Variants in SRBD1 observed in about 807,000 individuals in gnomAD.
SRBD1 encodes the protein S1 RNA-binding domain-containing protein 1.
Under a neutral mutation model 115.3 loss-of-function variants are expected in SRBD1, and 88 were observed. The ratio of observed to expected loss-of-function variants is 0.76; its 90% confidence interval spans 0.64 to 0.91. SRBD1 has a LOEUF of 0.91. Ranked by LOEUF, SRBD1 falls within the 40% of genes least tolerant of loss-of-function variation. The probability of loss-of-function intolerance (pLI) is 0.00; values close to 1 mark genes in which losing one functional copy is unlikely to be tolerated. For synonymous variants in SRBD1, 509 were observed against 407.7 expected (o/e 1.25, Z -2.99); for missense variants, 1,385 against 1,177.4 (o/e 1.18, Z -2.58).
chr2:45,591,996 CA>C (rs1558500131), intron 4 of SRBD1, among the ~76,000 whole-genome samples: 1 of 152,068 alleles, frequency 6.6e-6, no homozygotes, highest in Non-Finnish European at 1.5e-5. Context: ...AGGAGGGACC[CA>C]GGGGGAGGTA....
At chr2:45,557,131 G>C (rs190493516) in intron 10 of SRBD1, among the ~76,000 whole-genome samples, 1 of 152,136 alleles carries the variant, frequency 6.6e-6, no homozygotes, top group Non-Finnish European at 1.5e-5. Context: ...TAAGGTTAGC[G>C]CTTCTAGGAA....
chr2:45,573,608 G>A (rs1468626009), intron 8 of SRBD1, among the ~76,000 whole-genome samples: 5 of 152,086 alleles, frequency 3.3e-5, no homozygotes, highest in African/African-American at 1.2e-4. Flanking sequence ...CTGCAATTAT[G>A]CAAAAGATCA....
chr2:45,506,811 T>C (rs147508465), intron 14 of SRBD1, among the ~76,000 whole-genome samples: 107 of 152,334 alleles, frequency 7.0e-4, no homozygotes, highest in African/African-American at 2.4e-3. Flanking sequence ...GTAAATTAAA[T>C]AGTGCATATT....
chr2:45,602,221 G>C, intron 2 of SRBD1, 138 bp from the exon 3 acceptor site: 2 of 980,098 alleles, frequency 2.0e-6, no homozygotes, highest in Non-Finnish European at 2.9e-6. Context: ...TACAGGCTGT[G>C]AACAGTTATT....
At chr2:45,440,802 AAG>A (rs1209272850) in intron 16 of SRBD1, among the ~76,000 whole-genome samples, 1 of 152,186 alleles carries the variant, frequency 6.6e-6, no homozygotes, top group Non-Finnish European at 1.5e-5. Flanking sequence ...GAGAGACAGA[AAG>A]AGAGAGACAG....
chr2:45,514,543 T>C (rs893073831), intron 14 of SRBD1, among the ~76,000 whole-genome samples: 5 of 152,168 alleles, frequency 3.3e-5, no homozygotes, highest in Non-Finnish European at 5.9e-5. Context: ...TTAGCTAACA[T>C]TTAAACTAAA....
rs1358287465 is a variant in SRBD1 at position 45,565,253 on chromosome 2, A to T, written c.1306-2497T>A. The stretch of plus-strand genomic sequence containing the variant: ...CAAAACTGACTACAAAGCCACAGTT[A>T]TCAAGACAGTGGGGACTGGCATAAG... On this transcript the variant is annotated intron_variant, in intron 9 of 20. Coordinates refer to ENST00000263736, the MANE Select transcript of SRBD1 (RefSeq NM_018079.5). Among the ~76,000 whole-genome samples the T allele has an allele frequency of 4.6e-5, 7 of 152,236 alleles. No individual in the cohort carries two copies. The East Asian group carries it at 1.3e-3, about 29-fold the overall frequency.
chr2:45,586,348 G>A (rs1292643625), intron 4 of SRBD1, among the ~76,000 whole-genome samples: 12 of 152,074 alleles, frequency 7.9e-5, no homozygotes, highest in Non-Finnish European at 1.8e-4. Context: ...TGGAAAATAT[G>A]TTATGCCCAT....
intron 14 of SRBD1, among the ~76,000 whole-genome samples, chr2:45,517,196 G>A (rs148780854): frequency 6.6e-6 from 1 of 152,182 alleles, no homozygotes; most frequent in Non-Finnish European, 1.5e-5. Flanking sequence ...CAGTTCAAAC[G>A]TTATCAGGCC....
intron 14 of SRBD1, among the ~76,000 whole-genome samples, chr2:45,544,801 AAC>A (rs1346298941): frequency 1.3e-5 from 2 of 152,328 alleles, no homozygotes; most frequent in South Asian, 4.1e-4. Context: ...AACAAATACA[AAC>A]ACACTCATAA....
chr2:45,590,906 A>ACT (rs1673701156), intron 4 of SRBD1, among the ~76,000 whole-genome samples: 1 of 152,000 alleles, frequency 6.6e-6, no homozygotes, highest in African/African-American at 2.4e-5. Flanking sequence ...AATCCCAGCT[A>ACT]CTCAGGAGAC....
At chr2:45,494,670 G>C (rs1207307918) in intron 14 of SRBD1, among the ~76,000 whole-genome samples, 2 of 152,094 alleles carry the variant, frequency 1.3e-5, no homozygotes, top group African/African-American at 2.4e-5. Context: ...GGCCTCCCAA[G>C]TTATCCTTCA....
intron 15 of SRBD1, among the ~76,000 whole-genome samples, chr2:45,483,153 T>C (rs370682181): frequency 6.6e-6 from 1 of 152,120 alleles, no homozygotes; most frequent in Admixed American, 6.6e-5. Context: ...GAGAGTTGCA[T>C]TGTGGTAGTC....
intron 14 of SRBD1, among the ~76,000 whole-genome samples, chr2:45,494,314 A>G (rs952746784): frequency 6.6e-6 from 1 of 152,172 alleles, no homozygotes; most frequent in Non-Finnish European, 1.5e-5. Flanking sequence ...ATGTAATCAG[A>G]AAAGGTTTAA....
In SRBD1 at chr2:45,551,153, A is replaced by C. The variant is rs1297921476; in HGVS notation, c.1647T>G (p.Gly549=). Reference sequence around the variant, plus strand: ...TAGGAGAAATTATAGCTAATTTGCAACCATGTTTATAACCAGGATCCACTC... The same window carrying C: ...TAGGAGAAATTATAGCTAATTTGCACCCATGTTTATAACCAGGATCCACTC... ...LMGVDPGYKH[G]CKLAIISPTS... Residue 549 remains glycine, a synonymous_variant, in exon 12 of 21, where the codon GGT becomes GGG. Transcript: ENST00000263736. 6.3e-7 allele frequency: 1 copy of C among 1,597,488 alleles called. No individual in the cohort carries two copies. Among genetic ancestry groups the C allele is most frequent in the East Asian group, 2.2e-5 (1 of 44,760 alleles).
intron 7 of SRBD1, 44 bp downstream of exon 7, chr2:45,579,831 A>C: frequency 6.8e-7 from 1 of 1,474,078 alleles, no homozygotes. Flanking sequence ...AATTAAAAAA[A>C]AAAAAAAAGA....
intron 16 of SRBD1, among the ~76,000 whole-genome samples, chr2:45,465,879 G>A (rs1558413935): frequency 6.6e-6 from 1 of 152,086 alleles, no homozygotes; most frequent in Non-Finnish European, 1.5e-5. Context: ...CACATTTTCA[G>A]TTCTGATCCC....
chr2:45,562,258 T>TG (rs1237521996), intron 10 of SRBD1, among the ~76,000 whole-genome samples: 1 of 152,262 alleles, frequency 6.6e-6, no homozygotes, highest in African/African-American at 2.4e-5. Flanking sequence ...GATGGAGTCT[T>TG]GCTCTGTCGC....
chr2:45,395,901 A>T (rs1229666280), intron 19 of SRBD1, among the ~76,000 whole-genome samples: 1 of 152,242 alleles, frequency 6.6e-6, no homozygotes, highest in Non-Finnish European at 1.5e-5. Context: ...TAAGTGTGAT[A>T]AGTAATATCC....
Sources: gnomAD v4.1 joint callset for allele counts (sites outside exome capture counted in the v4.1 genomes callset) on GRCh38, gnomAD v4.1.1 for gene constraint, MANE v1.5 for transcripts, NCBI Gene and HGNC (gene_info 2026-07-23, HGNC 2026-07-21) for gene names.